ACTR3B: variants seen among roughly 807,000 people sequenced by gnomAD.
The protein encoded by ACTR3B is actin-related protein 3B.
In ACTR3B, 8 loss-of-function variants were observed where a neutral mutation model predicts 59.0. That is an observed-to-expected ratio of 0.14 (90% CI 0.08 to 0.24). ACTR3B has a LOEUF of 0.24. ACTR3B is among the 10% of genes least tolerant of loss of function. ACTR3B has a pLI of 1.00. For missense variants in ACTR3B, 245 were observed against 552.3 expected, an observed-to-expected ratio of 0.44 and a Z score of 5.58; for synonymous variants, 148 against 197.9, an observed-to-expected ratio of 0.75 and a Z score of 2.12.
intron 4 of ACTR3B, among the ~76,000 whole-genome samples, chr7:152,802,884 A>G (rs946615115): frequency 6.6e-6 from 1 of 152,242 alleles, no homozygotes; most frequent in African/African-American, 2.4e-5. Flanking sequence ...GAATAACTCT[A>G]TAACGAATAT....
intron 1 of ACTR3B, among the ~76,000 whole-genome samples, chr7:152,767,093 G>GTT (rs59830659): frequency 1.8e-4 from 26 of 141,668 alleles, no homozygotes; most frequent in East Asian, 4.2e-4. Flanking sequence ...CAGCTGGTAG[G>GTT]TTTTTTTTTT....
In ACTR3B at chr7:152,825,881, A is replaced by T. The variant is rs531966416; in HGVS notation, c.951+759A>T. ...TTATGATTTTTTTCAAAATTCTTAG[A>T]TTTCAGGGAATTTTGAAACCTGGAA... On this transcript the variant is annotated intron_variant, in intron 9 of 11. Coordinates refer to ENST00000256001, the MANE Select transcript of ACTR3B (RefSeq NM_020445.6). Among the ~76,000 whole-genome samples, 111 of 152,284 alleles carry T rather than the reference A, an allele frequency of 7.3e-4. 1 individual carries two copies. The highest frequency in any genetic ancestry group is 4.3e-3 in the South Asian group (21 of 4,828).
At chr7:152,800,115 CTTA>C (rs771711422) in intron 2 of ACTR3B, among the ~76,000 whole-genome samples, 104 of 152,186 alleles carry the variant, frequency 6.8e-4, no homozygotes, top group Non-Finnish European at 2.6e-4. Flanking sequence ...GATGTAGAGT[CTTA>C]TTATAGACAT....
At chr7:152,851,549 C>T (rs377264758) in intron 9 of ACTR3B, among the ~76,000 whole-genome samples, 31 of 152,290 alleles carry the variant, frequency 2.0e-4, no homozygotes, top group African/African-American at 7.0e-4. Context: ...TCTGGGCAGG[C>T]GGAGCGGGAC....
chr7:152,801,033 A>G (rs2098234349), intron 3 of ACTR3B, among the ~76,000 whole-genome samples: 1 of 152,296 alleles, frequency 6.6e-6, no homozygotes, highest in Admixed American at 6.5e-5. Context: ...TCCAGATCCA[A>G]TTGTATGATA....
At chr7:152,787,107 C>T (rs1230796889) in intron 2 of ACTR3B, among the ~76,000 whole-genome samples, 4 of 152,182 alleles carry the variant, frequency 2.6e-5, no homozygotes, top group Admixed American at 6.5e-5. Context: ...GGTATTGCCA[C>T]GTTACTCCTC....
chr7:152,798,540 A>G (rs1300670011), intron 2 of ACTR3B, among the ~76,000 whole-genome samples: 5 of 152,090 alleles, frequency 3.3e-5, no homozygotes, highest in African/African-American at 1.2e-4. Flanking sequence ...GTTTGATGTA[A>G]TCCCAGTTAT....
At chr7:152,795,800 G>A (rs1043008257) in intron 2 of ACTR3B, among the ~76,000 whole-genome samples, 5 of 151,144 alleles carry the variant, frequency 3.3e-5, no homozygotes, top group African/African-American at 1.2e-4. Context: ...TCTGTCTGAA[G>A]TGGAGTCATA....
rs778301772 is a variant in ACTR3B at position 152,854,568 on chromosome 7, C to T, written c.*15C>T. On this transcript the variant is annotated 3_prime_UTR_variant, in exon 12 of 12. Transcript: ENST00000256001. This position sits in a 1 kb window ranked among gnomAD's most constrained non-coding sequence, Gnocchi z 4.9. ...TCATGTCCTAGTGTCTGCCTGAACGCGTCGTTCGATGGTGTCACGTTGGGG... is the reference window on the plus strand; with the variant it reads ...TCATGTCCTAGTGTCTGCCTGAACGTGTCGTTCGATGGTGTCACGTTGGGG... 1.4e-5 allele frequency: 23 copies of T among 1,612,166 alleles called. No homozygotes were observed. The highest frequency in any genetic ancestry group is 4.5e-5 in the East Asian group (2 of 44,880).
chr7:152,778,942 C>CAAAAAAAAA (rs2098142946), intron 1 of ACTR3B, among the ~76,000 whole-genome samples: 1 of 41,556 alleles, frequency 2.4e-5, no homozygotes, highest in Non-Finnish European at 4.0e-5. Flanking sequence ...GACTGTGTCT[C>CAAAAAAAAA]CAAAAAAAAA....
intron 1 of ACTR3B, among the ~76,000 whole-genome samples, chr7:152,780,920 A>T (rs1590228153): frequency 1.4e-5 from 2 of 146,642 alleles, no homozygotes; most frequent in South Asian, 4.3e-4. Context: ...GTCATAGTTC[A>T]CTGCAACCTC....
At chr7:152,836,848 T>C (rs1797500655) in intron 9 of ACTR3B, among the ~76,000 whole-genome samples, 2 of 152,092 alleles carry the variant, frequency 1.3e-5, no homozygotes, top group African/African-American at 4.8e-5. Flanking sequence ...CTTAGAAAAA[T>C]GTTTACTTAC....
In ACTR3B at chr7:152,852,034, C is replaced by G. The variant is rs1052929621; in HGVS notation, c.952-92C>G. 1.2e-5 allele frequency: 18 copies of G among 1,539,610 alleles called. No homozygotes were observed. In the African/African-American group the frequency reaches 2.1e-4, roughly 18 times the overall value. ...AGGGCCGATGTGTCGTGCCCACAAGCGATTGGACCTGTGGGAGTTCTGTTG... is the reference window on the plus strand; with the variant it reads ...AGGGCCGATGTGTCGTGCCCACAAGGGATTGGACCTGTGGGAGTTCTGTTG... On this transcript the variant is annotated intron_variant, in intron 9 of 11. Transcript: ENST00000256001.
intron 1 of ACTR3B, among the ~76,000 whole-genome samples, chr7:152,762,298 C>G (rs2117095661): frequency 1.3e-5 from 2 of 152,214 alleles, no homozygotes; most frequent in East Asian, 3.8e-4. Context: ...GAATATTTCA[C>G]AACTCCGGTC....
intron 9 of ACTR3B, among the ~76,000 whole-genome samples, chr7:152,828,504 G>A (rs1415571331): frequency 6.6e-6 from 1 of 152,088 alleles, no homozygotes; most frequent in Non-Finnish European, 1.5e-5. Context: ...GCGGTGGAGA[G>A]CATGCCCCGA....
intron 9 of ACTR3B, among the ~76,000 whole-genome samples, chr7:152,828,762 C>G (rs913307519): frequency 1.3e-5 from 2 of 151,910 alleles, no homozygotes; most frequent in African/African-American, 2.4e-5. Context: ...GTGATGGTGC[C>G]GATTCCTGAC....
At chr7:152,826,494 T>A (rs1050898660) in intron 9 of ACTR3B, among the ~76,000 whole-genome samples, 20 of 152,242 alleles carry the variant, frequency 1.3e-4, no homozygotes, top group Non-Finnish European at 2.1e-4. Flanking sequence ...TTGCTGCATA[T>A]TCTTAAACAC....
rs1053808084 is a variant in ACTR3B at position 152,824,964 on chromosome 7, A to C, written c.859-66A>C. ...TATATTTGTTAAAGTTACTTTAAAG[A>C]AGTGTGCATGTTGTTCTATTTGAGA... On this transcript the variant is annotated intron_variant, in intron 8 of 11. Coordinates refer to ENST00000256001, the MANE Select transcript of ACTR3B (RefSeq NM_020445.6). This position sits in a 1 kb window ranked among gnomAD's most constrained non-coding sequence, Gnocchi z 4.2. 10 of 1,496,338 alleles carry C rather than the reference A, an allele frequency of 6.7e-6. No individual in the cohort carries two copies. The highest frequency in any genetic ancestry group is 9.1e-6 in the Non-Finnish European group (10 of 1,095,682). The allele number at this position is 1,496,338 out of a possible 1,614,324, so 92.7% of individuals were successfully genotyped here.
At chr7:152,828,492 G>A (rs1280081260) in intron 9 of ACTR3B, among the ~76,000 whole-genome samples, 2 of 152,152 alleles carry the variant, frequency 1.3e-5, no homozygotes, top group South Asian at 2.1e-4. Context: ...CTGCTCCTTA[G>A]TGCGGTGGAG....
Sources: allele counts gnomAD v4.1 joint callset (sites outside exome capture counted in the v4.1 genomes callset), GRCh38; gene constraint gnomAD v4.1.1; non-coding constraint Gnocchi (gnomAD v3.1); transcripts MANE v1.5; gene names NCBI Gene and HGNC (gene_info 2026-07-23, HGNC 2026-07-21).